GATA4: variants seen among roughly 807,000 people sequenced by gnomAD.
GATA4 encodes the protein GATA binding protein 4, also known as transcription factor GATA-4.
GATA4 carries 7 observed loss-of-function variants against 37.9 expected under a neutral mutation model. That is an observed-to-expected ratio of 0.18 (90% CI 0.11 to 0.35). The LOEUF (loss-of-function observed/expected upper bound fraction) is 0.35. Ranked by LOEUF, GATA4 falls within the 10% of genes least tolerant of loss-of-function variation. The pLI, the probability that GATA4 is intolerant of heterozygous loss-of-function variation, is 1.00. For missense variants in GATA4, 647 were observed against 653.0 expected, an observed-to-expected ratio of 0.99 and a Z score of 0.10; for synonymous variants, 372 against 292.6, an observed-to-expected ratio of 1.27 and a Z score of -2.77.
chr8:11,735,512 G>C (rs974093848), intron 2 of GATA4, among the ~76,000 whole-genome samples: 1 of 152,214 alleles, frequency 6.6e-6, no homozygotes, highest in Non-Finnish European at 1.5e-5. Context: ...TCTGCCCCTG[G>C]AGATGGGATC....
chr8:11,758,397 T>A lies in GATA4; in HGVS notation c.1254T>A (p.Ser418=). 1.2e-6 allele frequency: 2 copies of A among 1,614,200 alleles called. No individual in the cohort carries two copies. Among genetic ancestry groups the A allele is most frequent in the Non-Finnish European group, 1.7e-6 (2 of 1,180,036 alleles). ...PQGYASPVSQ[S]PQTSSKQDSW... ...GCTATGCGTCTCCCGTCAGCCAGTC[T>A]CCACAGACCAGCTCCAAGCAGGACT... The change falls in exon 7 of 7, where the codon TCT becomes TCA. Residue 418 remains serine, a synonymous_variant. Coordinates refer to ENST00000532059, the MANE Select transcript of GATA4 (RefSeq NM_001308093.3).
intron 2 of GATA4, among the ~76,000 whole-genome samples, chr8:11,731,875 A>G (rs1801228250): frequency 6.6e-6 from 1 of 152,224 alleles, no homozygotes; most frequent in African/African-American, 2.4e-5. Context: ...AGTAGCATTG[A>G]TGGACGATTA....
At position 11,708,002 on chromosome 8, in the gene GATA4, C is replaced by G; in HGVS notation, c.-311C>G. On this transcript the variant is annotated 5_prime_UTR_variant, in exon 2 of 7. Transcript: ENST00000532059. The surrounding 1 kb of genome is among the most constrained non-coding windows in gnomAD (Gnocchi z 6.7). Reference sequence around the variant, plus strand: ...AGGCCTGGACGCTGCCCTCCGTCTTCTGCCCCCAATAGGTGCGCCGGACCT... The same window carrying G: ...AGGCCTGGACGCTGCCCTCCGTCTTGTGCCCCCAATAGGTGCGCCGGACCT... The G allele has an allele frequency of 2.4e-6, 1 of 411,974 alleles. No individual in the cohort carries two copies. Among genetic ancestry groups the G allele is most frequent in the East Asian group, 5.5e-5 (1 of 18,174 alleles). The allele number at this position is 411,974 out of a possible 1,614,324, so 25.5% of individuals were successfully genotyped here. A position where few individuals can be genotyped will look rare whatever the true frequency, so the allele number is the denominator to read the frequency against.
In GATA4 at chr8:11,755,075, G is replaced by T. The variant is rs372407808; in HGVS notation, c.942G>T (p.Glu314Asp). The change falls in exon 5 of 7, where the codon GAG becomes GAT. Residue 314 changes from glutamate to aspartate, a missense_variant. By Grantham distance (45) the Glu-to-Asp change is conservative. Around this residue, in one of 5 missense-constraint regions of GATA4, gnomAD observed 21 missense variants for 62.6 expected, o/e 0.34. Transcript: ENST00000532059. The stretch of plus-strand genomic sequence containing the variant: ...CCAGGCCTCTTGCAATGCGGAAAGA[G>T]GGGATCCAAACCAGAAAACGGAAGC... ...GVPRPLAMRK[E>D]GIQTRKRKPK... 1.8e-4 allele frequency: 297 copies of T among 1,614,000 alleles called. No homozygotes were observed. Among genetic ancestry groups the T allele is most frequent in the Non-Finnish European group, 2.5e-4 (292 of 1,180,004 alleles).
intron 2 of GATA4, among the ~76,000 whole-genome samples, chr8:11,714,749 C>T (rs992238384): frequency 6.6e-6 from 1 of 152,146 alleles, no homozygotes; most frequent in African/African-American, 2.4e-5. Context: ...GGAGACAGTT[C>T]TAGATAACGC....
chr8:11,699,105 G>A (rs1167746746), intron 1 of GATA4, among the ~76,000 whole-genome samples: 1 of 152,150 alleles, frequency 6.6e-6, no homozygotes, highest in Non-Finnish European at 1.5e-5. Context: ...TCCTTGCTTT[G>A]GGCAGACCAG....
At chr8:11,741,271 A>T (rs1432394625) in intron 2 of GATA4, among the ~76,000 whole-genome samples, 2 of 152,094 alleles carry the variant, frequency 1.3e-5, no homozygotes, top group African/African-American at 2.4e-5. Flanking sequence ...TGAACTCAGG[A>T]GTTCAAGATC....
intron 1 of GATA4, among the ~76,000 whole-genome samples, chr8:11,694,869 C>G (rs564664464): frequency 6.6e-6 from 1 of 152,132 alleles, no homozygotes; most frequent in African/African-American, 2.4e-5. Flanking sequence ...CTCTCTCACT[C>G]ACACACACAC....
At chr8:11,701,274 G>A (rs1324803912), upstream of GATA4, among the ~76,000 whole-genome samples, 1 of 146,894 alleles carries the variant, frequency 6.8e-6, no homozygotes, top group Non-Finnish European at 1.5e-5. Flanking sequence ...AGTCAAAGAC[G>A]TTCACAGTGT....
At position 11,758,310 on chromosome 8, in the gene GATA4, G is replaced by A. The variant is rs55968178; in HGVS notation, c.1167G>A (p.Ala389=). 274 of 1,614,006 alleles carry A rather than the reference G, an allele frequency of 1.7e-4. No individual in the cohort carries two copies. The highest frequency in any genetic ancestry group is 2.2e-4 in the Non-Finnish European group (263 of 1,180,026). ...SSVSQTFSVS[A]MSGHGPSIHP... ...CTTTTCAGACGTTCTCAGTCAGTGC[G>A]ATGTCTGGCCATGGGCCCTCCATCC... Residue 389 remains alanine, a synonymous_variant, in exon 7 of 7, where the codon GCG becomes GCA. Coordinates refer to ENST00000532059, the MANE Select transcript of GATA4 (RefSeq NM_001308093.3).
At chr8:11,690,465 G>A (rs908449545), upstream of GATA4, among the ~76,000 whole-genome samples, 2 of 152,206 alleles carry the variant, frequency 1.3e-5, no homozygotes, top group Admixed American at 6.5e-5. Flanking sequence ...AGAGGCAGAT[G>A]TATAGACAGG....
rs372923027 is a variant in GATA4 at position 11,704,660 on chromosome 8, G to A, written c.-458+356G>A. Among the ~76,000 whole-genome samples, 438 of 152,320 alleles carry A rather than the reference G, an allele frequency of 2.9e-3. 1 individual carries two copies. The highest frequency in any genetic ancestry group is 1.0e-2 in the African/African-American group (415 of 41,584). ...GTGATGGTGGCCGCGTGAAGTTACC[G>A]GGACTGACGGGCCCGGGACAGGCTG... On this transcript the variant is annotated intron_variant, in intron 1 of 6. Transcript: ENST00000532059.
At chr8:11,710,409 C>T (rs1459826144) in intron 2 of GATA4, among the ~76,000 whole-genome samples, 1 of 151,956 alleles carries the variant, frequency 6.6e-6, no homozygotes, top group Non-Finnish European at 1.5e-5. Flanking sequence ...GCCTTGCGCG[C>T]TTACGGGGTC....
intron 1 of GATA4, chr8:11,692,726 A>G: frequency 4.1e-6 from 4 of 984,452 alleles, no homozygotes; most frequent in Non-Finnish European, 4.8e-6. Context: ...GAGGGAGAGC[A>G]GGCGCCGGGA....
upstream of GATA4, among the ~76,000 whole-genome samples, chr8:11,689,561 G>C (rs112599484): frequency 2.8e-4 from 43 of 152,194 alleles, no homozygotes; most frequent in Admixed American, 1.7e-3. Flanking sequence ...AAGATATTCA[G>C]CCTAGAGGTG....
At chr8:11,724,293 A>T (rs779484325) in intron 2 of GATA4, among the ~76,000 whole-genome samples, 2 of 152,080 alleles carry the variant, frequency 1.3e-5, no homozygotes, top group Non-Finnish European at 2.9e-5. Flanking sequence ...ACAAATATCT[A>T]TTCACCTCCC....
intron 1 of GATA4, among the ~76,000 whole-genome samples, chr8:11,693,325 G>C (rs1030478974): frequency 1.6e-4 from 24 of 152,126 alleles, no homozygotes; most frequent in African/African-American, 5.3e-4. Context: ...TTAGCCAGGC[G>C]TCGTGGCGCG....
chr8:11,695,014 C>G (rs1379517044), intron 1 of GATA4, among the ~76,000 whole-genome samples: 2 of 152,212 alleles, frequency 1.3e-5, no homozygotes, highest in African/African-American at 4.8e-5. Context: ...TTATCTGGCA[C>G]AGAGCACTTT....
intron 2 of GATA4, among the ~76,000 whole-genome samples, chr8:11,746,417 A>G (rs1366555965): frequency 6.6e-6 from 1 of 152,118 alleles, no homozygotes; most frequent in South Asian, 2.1e-4. Flanking sequence ...GGGTTGCACT[A>G]GGTTTGGAAT....
Sources: allele counts gnomAD v4.1 joint callset (sites outside exome capture counted in the v4.1 genomes callset), GRCh38; gene constraint gnomAD v4.1.1; regional missense constraint gnomAD v4.1.1; non-coding constraint Gnocchi (gnomAD v3.1); transcripts MANE v1.5; gene names NCBI Gene and HGNC (gene_info 2026-07-23, HGNC 2026-07-21).